The following DOCK9 variants were observed in gnomAD, a reference collection of about 807,000 sequenced individuals.
DOCK9 encodes the protein dedicator of cytokinesis protein 9.
DOCK9 carries 89 observed loss-of-function variants against 263.3 expected under a neutral mutation model. That is an observed-to-expected ratio of 0.34 (90% confidence interval 0.28 to 0.40). The LOEUF is 0.40. DOCK9 is among the 10% of genes least tolerant of loss of function. The pLI is 1.00. For synonymous variants in DOCK9, 976 were observed against 973.1 expected (o/e 1.00, Z -0.06); for missense variants, 2,140 against 2,603.4 (o/e 0.82, Z 3.87).
intron 2 of DOCK9, among the ~76,000 whole-genome samples, chr13:98,937,747 A>G (rs1302883864): frequency 1.3e-5 from 2 of 151,858 alleles, no homozygotes; most frequent in East Asian, 1.9e-4. Flanking sequence ...GAGCTAGAAA[A>G]GCACAGAGTT....
At chr13:99,024,973 A>C (rs531046787) in intron 1 of DOCK9, among the ~76,000 whole-genome samples, 64 of 152,192 alleles carry the variant, frequency 4.2e-4, no homozygotes, top group African/African-American at 1.4e-3. Flanking sequence ...TCTTTAGCTG[A>C]CTCCTTACAA....
chr13:99,023,592 C>A lies in DOCK9; in HGVS notation c.129+62631G>T, dbSNP rs577875737. Among the ~76,000 whole-genome samples, 25 of 152,302 alleles carry A rather than the reference C, an allele frequency of 1.6e-4. 1 individual carries two copies. The South Asian group carries it at 4.8e-3, about 29-fold the overall frequency. ...ACAGCAATGTGAATGTACCGAGTAT[C>A]ACTGATGTGTACACTTAAAAATAGT... On this transcript the variant is annotated intron_variant, in intron 1 of 32. Transcript: ENST00000427887.
intron 2 of DOCK9, among the ~76,000 whole-genome samples, chr13:98,931,412 C>A (rs941984715): frequency 2.0e-5 from 3 of 151,888 alleles, no homozygotes; most frequent in African/African-American, 7.3e-5. Context: ...CATTCTTCTG[C>A]CTCAGCCTCC....
At chr13:98,800,522 C>G (rs1280133709) in intron 49 of DOCK9, 44 bp from the exon 50 acceptor site, 1 of 1,592,362 alleles carries the variant, frequency 6.3e-7, no homozygotes, top group East Asian at 2.3e-5. Flanking sequence ...CTTGCACGAG[C>G]TTTAGTGTTA....
chr13:99,051,052 T>A (rs11840320), intron 1 of DOCK9, among the ~76,000 whole-genome samples: 15,011 of 152,188 alleles, frequency 0.099, 1,046 homozygotes, highest in East Asian at 0.24. Flanking sequence ...AGCCCGCCTC[T>A]GCGAGGACCC....
intron 1 of DOCK9, among the ~76,000 whole-genome samples, chr13:99,055,841 C>T (rs1487141864): frequency 6.6e-6 from 1 of 151,710 alleles, no homozygotes; most frequent in Non-Finnish European, 1.5e-5. Context: ...TTAACATATA[C>T]TAGCTGTCTG....
rs147164870 is a variant in DOCK9 at position 98,825,442 on chromosome 13, G to C, written c.5024-938C>G. Among the ~76,000 whole-genome samples, 38 of 152,324 alleles carry C rather than the reference G, an allele frequency of 2.5e-4. No homozygotes were observed. The highest frequency in any genetic ancestry group is 8.9e-4 in the African/African-American group (37 of 41,570). On this transcript the variant is annotated intron_variant, in intron 44 of 52. Transcript: ENST00000682017. The surrounding 1 kb of genome is among the most constrained non-coding windows in gnomAD (Gnocchi z 4.1). Reference sequence around the variant, plus strand: ...CTTGAAAACGGAGATCCTGAAGTCAGAGATTTTTCTGCTGCACATGATCCC... The same window carrying C: ...CTTGAAAACGGAGATCCTGAAGTCACAGATTTTTCTGCTGCACATGATCCC...
intron 4 of DOCK9, among the ~76,000 whole-genome samples, chr13:98,924,954 C>A (rs1449416514): frequency 1.3e-5 from 2 of 152,004 alleles, no homozygotes; most frequent in Non-Finnish European, 2.9e-5. Flanking sequence ...CACCTGAGTT[C>A]AGGAGTTCGA....
intron 1 of DOCK9, among the ~76,000 whole-genome samples, chr13:99,005,146 C>T (rs551912183): frequency 6.6e-6 from 1 of 151,506 alleles, no homozygotes; most frequent in Admixed American, 6.6e-5. Flanking sequence ...TTTCTTTCAT[C>T]AAAATGCCCC....
chr13:99,031,957 C>G (rs1887387757), intron 1 of DOCK9, among the ~76,000 whole-genome samples: 1 of 152,164 alleles, frequency 6.6e-6, no homozygotes. Context: ...AAGGACACTT[C>G]TGGGAAGATA....
intron 1 of DOCK9, among the ~76,000 whole-genome samples, chr13:98,993,523 A>C (rs1043879849): frequency 3.3e-5 from 5 of 152,238 alleles, no homozygotes; most frequent in Non-Finnish European, 7.3e-5. Flanking sequence ...CATGATAAAG[A>C]AAGGAAAGAC....
At chr13:98,817,482 A>G (rs1477960956) in intron 45 of DOCK9, among the ~76,000 whole-genome samples, 6 of 87,480 alleles carry the variant, frequency 6.9e-5, no homozygotes, top group Admixed American at 3.3e-4. Flanking sequence ...TGGTAGGGAT[A>G]GGGTCTCACT....
intron 1 of DOCK9, among the ~76,000 whole-genome samples, chr13:99,080,696 TAATA>T (rs2042089794): frequency 1.3e-5 from 2 of 152,212 alleles, no homozygotes; most frequent in African/African-American, 4.8e-5. Context: ...GTTTAATTCT[TAATA>T]AATTCTTTCC....
rs149474304 is a variant in DOCK9, at chr13:98,930,119, TA to T, written c.333+48del. On this transcript the variant is annotated intron_variant, in intron 3 of 52. Transcript: ENST00000682017. ...TGAAATTTAAAGAAAAGGAGGCAGTTAGGGGAAAATGACTTCAAAATGTAAA... is the reference window on the plus strand; with the variant it reads ...TGAAATTTAAAGAAAAGGAGGCAGTTGGGGAAAATGACTTCAAAATGTAAA... 6.0e-3 allele frequency: 9,019 copies of T among 1,513,212 alleles called. 455 individuals are homozygous for T. In the African/African-American group the frequency reaches 0.11, roughly 18 times the overall value. 93.7% of individuals were successfully genotyped at this position (1,513,212 alleles called of 1,614,324 possible).
Position 98,837,495 on chromosome 13 carries a change from T to C in DOCK9, c.4313A>G (p.Lys1438Arg). The C allele has an allele frequency of 6.2e-7, 1 of 1,609,228 alleles. No homozygotes were observed. The highest frequency in any genetic ancestry group is 8.5e-7 in the Non-Finnish European group (1 of 1,175,982). ...CACGAACAGCAAATTGATACAAACC[T>C]TAAACGCCAATGTAAATAGAGAAAG... ...DTLSLFTLAF[K>R]NQLLADHGHN... The change falls in exon 39 of 53, where the codon AAG becomes AGG. Residue 1438 changes from lysine to arginine, a missense_variant and splice_region_variant. Transcript: ENST00000682017.
intron 1 of DOCK9, among the ~76,000 whole-genome samples, chr13:99,023,779 C>T (rs566020674): frequency 6.6e-6 from 1 of 152,318 alleles, no homozygotes; most frequent in South Asian, 2.1e-4. Context: ...TCTCCATTGG[C>T]CTGTCAGCCC....
chr13:99,038,636 G>A (rs1436711747), intron 1 of DOCK9, among the ~76,000 whole-genome samples: 2 of 152,004 alleles, frequency 1.3e-5, no homozygotes. Context: ...ACTAGCTTCT[G>A]ATAAAAGAGA....
At chr13:98,879,765 A>G in intron 27 of DOCK9, 133 bp downstream of exon 27, 4 of 641,052 alleles carry the variant, frequency 6.2e-6, no homozygotes, top group Non-Finnish European at 7.7e-6. Context: ...AGCTAAAATG[A>G]TTTATTACTT....
chr13:98,802,684 G>A (rs529547826), intron 49 of DOCK9, among the ~76,000 whole-genome samples: 7 of 152,298 alleles, frequency 4.6e-5, no homozygotes, highest in African/African-American at 1.4e-4. Context: ...TCAAATGATT[G>A]CACAGTTACA....
Sources: allele counts gnomAD v4.1 joint callset (sites outside exome capture counted in the v4.1 genomes callset), GRCh38; gene constraint gnomAD v4.1.1; non-coding constraint Gnocchi (gnomAD v3.1); transcripts MANE v1.5; gene names NCBI Gene and HGNC (gene_info 2026-07-23, HGNC 2026-07-21).